The following CCBE1 variants were observed in gnomAD, a reference collection of about 807,000 sequenced individuals.
The protein encoded by CCBE1 is collagen and calcium binding EGF domains 1.
Under a neutral mutation model 50.0 loss-of-function variants are expected in CCBE1, and 37 were observed. That is an observed-to-expected ratio of 0.74 (90% confidence interval 0.57 to 0.97). The LOEUF is 0.97. Ranked by LOEUF, CCBE1 falls within the 50% of genes least tolerant of loss-of-function variation. CCBE1 has a pLI of 0.00. For synonymous variants in CCBE1, 234 were observed against 203.7 expected, an observed-to-expected ratio of 1.15 and a Z score of -1.27; for missense variants, 538 against 523.8, an observed-to-expected ratio of 1.03 and a Z score of -0.26.
intron 2 of CCBE1, among the ~76,000 whole-genome samples, chr18:59,627,944 G>A (rs985569075): frequency 6.6e-6 from 1 of 152,216 alleles, no homozygotes; most frequent in African/African-American, 2.4e-5. Context: ...CAGGTGCAGT[G>A]GCTCACGCCC....
chr18:59,671,823 G>GT (rs1414022152), intron 2 of CCBE1, among the ~76,000 whole-genome samples: 1 of 146,670 alleles, frequency 6.8e-6, no homozygotes, highest in Non-Finnish European at 1.5e-5. Flanking sequence ...AAAAAAAAAG[G>GT]GGGGGGGTAG....
chr18:59,669,094 C>G (rs962832885), intron 2 of CCBE1, among the ~76,000 whole-genome samples: 7 of 152,008 alleles, frequency 4.6e-5, no homozygotes, highest in Non-Finnish European at 1.0e-4. Flanking sequence ...CCTCGGCCTC[C>G]CAAAGTGCTG....
At chr18:59,622,403 C>T (rs1323819725) in intron 2 of CCBE1, among the ~76,000 whole-genome samples, 1 of 151,690 alleles carries the variant, frequency 6.6e-6, no homozygotes, top group African/African-American at 2.4e-5. Context: ...ACTCGGGAGG[C>T]TGAGGTAGGA....
At chr18:59,693,000 ACACAAAC>A (rs2054755556) in intron 2 of CCBE1, among the ~76,000 whole-genome samples, 1 of 148,456 alleles carries the variant, frequency 6.7e-6, no homozygotes, top group African/African-American at 2.5e-5. Context: ...ACACACACAC[ACACAAAC>A]AAAAAACGCA....
chr18:59,637,259 A>G (rs534189273), intron 2 of CCBE1, among the ~76,000 whole-genome samples: 3 of 152,332 alleles, frequency 2.0e-5, no homozygotes, highest in South Asian at 2.1e-4. Flanking sequence ...CCTTGGTGCT[A>G]TATCTTTCAC....
Position 59,480,250 on chromosome 18 carries a change from A to G in CCBE1, c.213-12T>C, listed in dbSNP as rs1447009528. ...TGCAGCACTTTTTCCTAAGAGACAAACAAACATTTAAAATATAATAATTAG... is the reference window on the plus strand; with the variant it reads ...TGCAGCACTTTTTCCTAAGAGACAAGCAAACATTTAAAATATAATAATTAG... On this transcript the variant is annotated splice_polypyrimidine_tract_variant and intron_variant, in intron 2 of 10. Transcript: ENST00000439986. The G allele has an allele frequency of 1.3e-6, 2 of 1,560,962 alleles. No individual in the cohort carries two copies. The highest frequency in any genetic ancestry group is 1.8e-6 in the Non-Finnish European group (2 of 1,132,634).
At chr18:59,668,396 G>A (rs550474020) in intron 2 of CCBE1, among the ~76,000 whole-genome samples, 16 of 148,570 alleles carry the variant, frequency 1.1e-4, no homozygotes, top group Admixed American at 7.3e-4. Flanking sequence ...CAGCCTGGGC[G>A]ACAAAGCGAG....
chr18:59,547,903 C>T (rs374122798), intron 2 of CCBE1, among the ~76,000 whole-genome samples: 2 of 152,206 alleles, frequency 1.3e-5, no homozygotes, highest in Non-Finnish European at 2.9e-5. Context: ...GAAAGTGCAA[C>T]CTGACCGAAA....
intron 2 of CCBE1, among the ~76,000 whole-genome samples, chr18:59,650,211 AAAAT>A (rs1277841672): frequency 2.0e-5 from 3 of 152,026 alleles, no homozygotes; most frequent in Admixed American, 6.6e-5. Flanking sequence ...GTTTCTTTTA[AAAAT>A]AAATAAACAG....
rs755432157 is a variant in CCBE1, at chr18:59,469,546, C to A, written c.327G>T (p.Val109=). ...EQQCTDNFGR[V]LCTCYPGYRY... ...GGTATCCCGGATAACAAGTACACAGCACTCGGCCAAAGTTGTCCGTGCACT... is the reference window on the plus strand; with the variant it reads ...GGTATCCCGGATAACAAGTACACAGAACTCGGCCAAAGTTGTCCGTGCACT... Residue 109 remains valine, a synonymous_variant, in exon 4 of 11, where the codon GTG becomes GTT. Coordinates refer to ENST00000439986, the MANE Select transcript of CCBE1 (RefSeq NM_133459.4). The A allele has an allele frequency of 1.2e-6, 2 of 1,614,230 alleles. No homozygotes were observed. Among genetic ancestry groups the A allele is most frequent in the Admixed American group, 3.3e-5 (2 of 60,024 alleles).
chr18:59,686,375 G>A (rs2054653270), intron 2 of CCBE1, among the ~76,000 whole-genome samples: 1 of 152,172 alleles, frequency 6.6e-6, no homozygotes, highest in Admixed American at 6.5e-5. Flanking sequence ...CAATTGTCAG[G>A]CCATCAAAAG....
intron 2 of CCBE1, among the ~76,000 whole-genome samples, chr18:59,597,824 C>T (rs762083395): frequency 9.2e-5 from 14 of 152,118 alleles, no homozygotes; most frequent in East Asian, 1.9e-4. Context: ...AACTGAGTCT[C>T]GAAACCATTG....
At chr18:59,507,877 T>C (rs998178760) in intron 2 of CCBE1, among the ~76,000 whole-genome samples, 1 of 151,230 alleles carries the variant, frequency 6.6e-6, no homozygotes, top group African/African-American at 2.4e-5. Context: ...GTTAATTAGG[T>C]TTTTTTCCTC....
At chr18:59,561,822 G>C (rs1362975507) in intron 2 of CCBE1, among the ~76,000 whole-genome samples, 1 of 152,196 alleles carries the variant, frequency 6.6e-6, no homozygotes, top group African/African-American at 2.4e-5. Flanking sequence ...TGTGTGTGAG[G>C]GCGGCCAGCT....
At chr18:59,489,980 A>C (rs999267368) in intron 2 of CCBE1, among the ~76,000 whole-genome samples, 11 of 139,442 alleles carry the variant, frequency 7.9e-5, no homozygotes, top group African/African-American at 3.0e-4. Flanking sequence ...TTATATACGC[A>C]TAAGGAGTTT....
intron 3 of CCBE1, among the ~76,000 whole-genome samples, chr18:59,475,179 A>T (rs1244744058): frequency 2.0e-5 from 3 of 152,164 alleles, no homozygotes; most frequent in Non-Finnish European, 4.4e-5. Context: ...TTCTTTTGGC[A>T]CCATTCTAAC....
chr18:59,664,367 G>C (rs2054324074), intron 2 of CCBE1, among the ~76,000 whole-genome samples: 1 of 152,164 alleles, frequency 6.6e-6, no homozygotes, highest in Non-Finnish European at 1.5e-5. Flanking sequence ...ACATCAGAGA[G>C]AAAGGACAGT....
intron 2 of CCBE1, among the ~76,000 whole-genome samples, chr18:59,567,880 T>C (rs899161474): frequency 1.3e-5 from 2 of 152,232 alleles, no homozygotes; most frequent in Non-Finnish European, 2.9e-5. Context: ...CAGACACATA[T>C]CACATACAGA....
intron 2 of CCBE1, among the ~76,000 whole-genome samples, chr18:59,680,158 T>C (rs973832282): frequency 7.3e-5 from 11 of 151,654 alleles, no homozygotes; most frequent in East Asian, 1.9e-4. Context: ...GAGGAAGAGA[T>C]TGCAGTGAGC....
Sources: gnomAD v4.1 joint callset for allele counts (sites outside exome capture counted in the v4.1 genomes callset) on GRCh38, gnomAD v4.1.1 for gene constraint, MANE v1.5 for transcripts, NCBI Gene and HGNC (gene_info 2026-07-23, HGNC 2026-07-21) for gene names.